SLC14A2: variants seen among roughly 807,000 people sequenced by gnomAD.
The protein encoded by SLC14A2 is urea transporter 2.
SLC14A2 carries 91 observed loss-of-function variants against 104.6 expected under a neutral mutation model. The ratio of observed to expected loss-of-function variants is 0.87; its 90% confidence interval spans 0.73 to 1.04. The LOEUF (loss-of-function observed/expected upper bound fraction) is 1.04. Ranked by LOEUF, SLC14A2 falls within the 50% of genes least tolerant of loss-of-function variation. The probability of loss-of-function intolerance (pLI) is 0.00; values close to 1 mark genes in which losing one functional copy is unlikely to be tolerated. For missense variants in SLC14A2, 1,189 were observed against 1,156.0 expected, an observed-to-expected ratio of 1.03 and a Z score of -0.41; for synonymous variants, 476 against 466.4, an observed-to-expected ratio of 1.02 and a Z score of -0.27.
intron 1 of SLC14A2, among the ~76,000 whole-genome samples, chr18:45,396,855 T>C (rs1366281313): frequency 6.6e-6 from 1 of 152,038 alleles, no homozygotes; most frequent in Non-Finnish European, 1.5e-5. Flanking sequence ...CAGAGTCTGT[T>C]GTTCCCTTTG....
chr18:45,191,676 C>T, the SLC14A2 span, among the ~76,000 whole-genome samples: 1 of 152,088 alleles, frequency 6.6e-6, no homozygotes, highest in Non-Finnish European at 1.5e-5. Context: ...CCAAATAAAC[C>T]TGCCCTTTCA....
rs770842660 is a variant in SLC14A2 at position 45,624,815 on chromosome 18, G to A, written c.150+1G>A. On this transcript the variant is annotated splice_donor_variant, in intron 2 of 19. Coordinates refer to ENST00000255226, the MANE Select transcript of SLC14A2 (RefSeq NM_007163.4). LOFTEE classifies it high-confidence loss of function. Reference sequence around the variant, plus strand: ...CCTCCTGGAAATGCCTGAAGAAAAGGTGAGAAGTGTCCCTCCTAGGATGTT... The same window carrying A: ...CCTCCTGGAAATGCCTGAAGAAAAGATGAGAAGTGTCCCTCCTAGGATGTT... 6 of 1,610,312 alleles carry A rather than the reference G, an allele frequency of 3.7e-6. No individual in the cohort carries two copies. In the African/African-American group the frequency reaches 6.7e-5, roughly 18 times the overall value.
intron 1 of SLC14A2, among the ~76,000 whole-genome samples, chr18:45,265,368 G>T (rs561176222): frequency 4.5e-4 from 69 of 152,262 alleles, no homozygotes; most frequent in African/African-American, 1.5e-3. Context: ...CAATTAAATG[G>T]GCCATCTTGT....
intron 1 of SLC14A2, among the ~76,000 whole-genome samples, chr18:45,451,829 A>C (rs1426048004): frequency 6.6e-6 from 1 of 152,212 alleles, no homozygotes; most frequent in Non-Finnish European, 1.5e-5. Context: ...ACTATTCAAA[A>C]GACCAAGTAC....
At chr18:45,453,941 C>A (rs1157192311) in intron 1 of SLC14A2, among the ~76,000 whole-genome samples, 2 of 150,046 alleles carry the variant, frequency 1.3e-5, no homozygotes, top group Non-Finnish European at 3.0e-5. Flanking sequence ...CTCACTGCAA[C>A]CTCTGCCTCC....
intron 1 of SLC14A2, among the ~76,000 whole-genome samples, chr18:45,313,551 T>G (rs1324326351): frequency 6.6e-6 from 1 of 152,200 alleles, no homozygotes; most frequent in Admixed American, 6.5e-5. Context: ...TGATAATTAA[T>G]TGTGAGCAGG....
intron 1 of SLC14A2, among the ~76,000 whole-genome samples, chr18:45,457,538 T>C (rs539099563): frequency 3.3e-5 from 5 of 152,036 alleles, no homozygotes; most frequent in East Asian, 1.9e-4. Flanking sequence ...TGAATTGCAG[T>C]TGGGCCACAT....
At chr18:45,605,067 A>T (rs990380060) in intron 2 of SLC14A2, among the ~76,000 whole-genome samples, 8 of 152,134 alleles carry the variant, frequency 5.3e-5, no homozygotes, top group African/African-American at 1.4e-4. Context: ...TCATAATACA[A>T]TATTGATAAC....
At position 45,477,316 on chromosome 18, in the gene SLC14A2, C is replaced by T. The variant is rs541702884; in HGVS notation, c.-124-5917C>T. On this transcript the variant is annotated intron_variant, in intron 1 of 20. Coordinates refer to the SLC14A2 transcript ENST00000586448. ...GCCTGGGTATCACCAGTGGAAGCTG[C>T]ACAACAGCAAAGATTGCTGCCTGTT... 2.0e-5 allele frequency among the ~76,000 whole-genome samples: 3 copies of T among 152,318 alleles called. No homozygotes were observed. In the South Asian group the frequency reaches 6.2e-4, roughly 32 times the overall value.
chr18:45,328,079 GA>G (rs901998328), intron 1 of SLC14A2, among the ~76,000 whole-genome samples: 1 of 151,066 alleles, frequency 6.6e-6, no homozygotes, highest in East Asian at 1.9e-4. Flanking sequence ...CAAAGTGGAA[GA>G]AAAAAAAATG....
intron 10 of SLC14A2, among the ~76,000 whole-genome samples, chr18:45,661,237 C>A (rs2045932416): frequency 6.6e-6 from 1 of 152,244 alleles, no homozygotes; most frequent in African/African-American, 2.4e-5. Context: ...ACCTGTGTTA[C>A]TATGGCTGAC....
chr18:45,287,576 A>G (rs766607144), intron 1 of SLC14A2, among the ~76,000 whole-genome samples: 6 of 152,182 alleles, frequency 3.9e-5, no homozygotes, highest in African/African-American at 1.4e-4. Flanking sequence ...TTCTGACACT[A>G]TGAAAATTCT....
At chr18:45,336,996 G>GT (rs796526413) in intron 1 of SLC14A2, among the ~76,000 whole-genome samples, 90 of 144,552 alleles carry the variant, frequency 6.2e-4, no homozygotes, top group Middle Eastern at 3.6e-3. Flanking sequence ...TTATAGCCTA[G>GT]TTTTTTTTTT....
intron 1 of SLC14A2, among the ~76,000 whole-genome samples, chr18:45,446,443 G>C (rs1438377364): frequency 6.6e-6 from 1 of 152,160 alleles, no homozygotes; most frequent in Non-Finnish European, 1.5e-5. Flanking sequence ...CTGCAAGCCA[G>C]GAAGAAAGCC....
the SLC14A2 span, among the ~76,000 whole-genome samples, chr18:45,173,977 T>C: frequency 6.6e-6 from 1 of 152,156 alleles, no homozygotes; most frequent in African/African-American, 2.4e-5. Flanking sequence ...TTGACTGAAT[T>C]GGTGGTCATA....
chr18:45,580,288 TCAG>T (rs2044471697), intron 2 of SLC14A2, among the ~76,000 whole-genome samples: 1 of 152,152 alleles, frequency 6.6e-6, no homozygotes. Flanking sequence ...AATAAAAGTG[TCAG>T]AATTTGAAAA....
intron 15 of SLC14A2, 113 bp from the exon 16 acceptor site, chr18:45,669,193 T>C (rs1427870556): frequency 2.4e-6 from 2 of 829,042 alleles, no homozygotes; most frequent in African/African-American, 3.5e-5. Flanking sequence ...CTCCAGAGAA[T>C]ACCCAGCAGG....
At chr18:45,407,808 A>G (rs947510202) in intron 1 of SLC14A2, among the ~76,000 whole-genome samples, 1 of 152,216 alleles carries the variant, frequency 6.6e-6, no homozygotes, top group African/African-American at 2.4e-5. Context: ...CACACACAAC[A>G]TTTATCAATT....
chr18:45,502,840 G>A (rs2043219352), intron 2 of SLC14A2, among the ~76,000 whole-genome samples: 1 of 151,712 alleles, frequency 6.6e-6, no homozygotes, highest in Admixed American at 6.6e-5. Flanking sequence ...CCAGGATCCT[G>A]GATTTTCTAG....
Sources: allele counts gnomAD v4.1 joint callset (sites outside exome capture counted in the v4.1 genomes callset), GRCh38; gene constraint gnomAD v4.1.1; transcripts MANE v1.5; gene names NCBI Gene and HGNC (gene_info 2026-07-23, HGNC 2026-07-21).